The following DICER1 variants were observed in gnomAD, a reference collection of about 807,000 sequenced individuals.
The protein encoded by DICER1 is endoribonuclease Dicer.
In DICER1, 43 loss-of-function variants were observed where a neutral mutation model predicts 194.1. The ratio of observed to expected loss-of-function variants is 0.22; its 90% CI spans 0.17 to 0.29. The LOEUF (loss-of-function observed/expected upper bound fraction) is 0.29, where lower values mean the gene tolerates loss of function less well. Among genes scored for constraint, DICER1 ranks in the 10% least tolerant of loss-of-function variants. The probability of loss-of-function intolerance (pLI) is 1.00; values close to 1 mark genes in which losing one functional copy is unlikely to be tolerated. For missense variants in DICER1, 1,608 were observed against 2,317.0 expected (o/e 0.69, Z 6.28); for synonymous variants, 832 against 820.5 (o/e 1.01, Z -0.24).
chr14:95,094,259 C>T (rs915193294), intron 23 of DICER1, 103 bp from the exon 24 acceptor site: 46 of 1,386,492 alleles, frequency 3.3e-5, no homozygotes, highest in Non-Finnish European at 4.2e-5. Flanking sequence ...TATTTACAAT[C>T]ATTTTCATAC....
At chr14:95,128,323 A>G (rs978432775) in intron 6 of DICER1, among the ~76,000 whole-genome samples, 2 of 152,224 alleles carry the variant, frequency 1.3e-5, no homozygotes, top group African/African-American at 2.4e-5. Context: ...TAAACGCTCT[A>G]CTACTTCTAC....
At chr14:95,136,094 C>T (rs1164568996) in intron 1 of DICER1, among the ~76,000 whole-genome samples, 59 of 138,818 alleles carry the variant, frequency 4.3e-4, no homozygotes, top group African/African-American at 1.5e-3. Flanking sequence ...GATACACACA[C>T]ACACACACAC....
intron 8 of DICER1, among the ~76,000 whole-genome samples, chr14:95,121,376 A>G (rs1892925945): frequency 6.6e-6 from 1 of 152,248 alleles, no homozygotes; most frequent in Non-Finnish European, 1.5e-5. Flanking sequence ...CAAAATCCAA[A>G]TAAAGTCTGG....
intron 6 of DICER1, chr14:95,129,052 A>C (rs1362431837): frequency 6.3e-6 from 1 of 158,082 alleles, no homozygotes; most frequent in Non-Finnish European, 1.4e-5. Context: ...CATTTTCAAA[A>C]CAAAGGGGTA....
Position 95,124,737 on chromosome 14 carries a change from A to C in DICER1, c.904-69T>G. On this transcript the variant is annotated intron_variant, in intron 7 of 26. Coordinates refer to ENST00000343455, the MANE Select transcript of DICER1 (RefSeq NM_177438.3). This position sits in a 1 kb window ranked among gnomAD's most constrained non-coding sequence, Gnocchi z 4.5. ...AATGTAGCATTTTCATGTGGGGTTT[A>C]ACTGGGATTTCAGTTGTTCTCAAAT... 7.6e-7 allele frequency: 1 copy of C among 1,320,860 alleles called. No individual in the cohort carries two copies. Among genetic ancestry groups the C allele is most frequent in the South Asian group, 1.2e-5 (1 of 83,332 alleles). 81.8% of individuals were successfully genotyped at this position (1,320,860 alleles called of 1,614,324 possible).
chr14:95,098,900 C>T lies in DICER1; in HGVS notation c.4206+880G>A, dbSNP rs1204949246. Among the ~76,000 whole-genome samples the T allele has an allele frequency of 3.9e-5, 6 of 152,128 alleles. No homozygotes were observed. In the East Asian group the frequency reaches 1.2e-3, roughly 29 times the overall value. ...CAAATAGTGTCACTGAACATGCTAC[C>T]TGGAAATACTTAAAGGCAGATATAT... On this transcript the variant is annotated intron_variant, in intron 22 of 26. Transcript: ENST00000343455.
In DICER1 at chr14:95,105,040, G is replaced by A; in HGVS notation, c.3269+31C>T. ...TTTTGCAAACAGGATCTCATGATCTGTGTTCTTTCTGGCTGACTGCACAGG... is the reference window on the plus strand; with the variant it reads ...TTTTGCAAACAGGATCTCATGATCTATGTTCTTTCTGGCTGACTGCACAGG... On this transcript the variant is annotated intron_variant, in intron 20 of 26. Transcript: ENST00000343455. This position sits in a 1 kb window ranked among gnomAD's most constrained non-coding sequence, Gnocchi z 4.9. 6.2e-7 allele frequency: 1 copy of A among 1,604,984 alleles called. No individual in the cohort carries two copies. The highest frequency in any genetic ancestry group is 8.5e-7 in the Non-Finnish European group (1 of 1,172,704).
chr14:95,129,036 A>G (rs2140255103), intron 6 of DICER1: 1 of 157,390 alleles, frequency 6.4e-6, no homozygotes, highest in African/African-American at 2.4e-5. Flanking sequence ...TCTGAAATCC[A>G]CAACCCATTT....
At chr14:95,145,089 AG>A (rs1289645610) in intron 1 of DICER1, among the ~76,000 whole-genome samples, 1 of 152,180 alleles carries the variant, frequency 6.6e-6, no homozygotes, top group African/African-American at 2.4e-5. Flanking sequence ...ATGGTATATG[AG>A]CCTCTAAATC....
intron 11 of DICER1, among the ~76,000 whole-genome samples, chr14:95,113,935 G>C (rs1489431906): frequency 6.6e-6 from 1 of 152,192 alleles, no homozygotes; most frequent in Non-Finnish European, 1.5e-5. Flanking sequence ...TAATTATTTT[G>C]AGGACAATGG....
At chr14:95,144,085 T>C (rs1485108089) in intron 1 of DICER1, among the ~76,000 whole-genome samples, 2 of 152,198 alleles carry the variant, frequency 1.3e-5, no homozygotes, top group African/African-American at 2.4e-5. Flanking sequence ...CAGATGTTTT[T>C]AGCTAACTTA....
At position 95,105,439 on chromosome 14, in the gene DICER1, T is replaced by C. The variant is rs1466345582; in HGVS notation, c.3094-193A>G. On this transcript the variant is annotated intron_variant, in intron 19 of 26. Coordinates refer to ENST00000343455, the MANE Select transcript of DICER1 (RefSeq NM_177438.3). This position sits in a 1 kb window ranked among gnomAD's most constrained non-coding sequence, Gnocchi z 4.9. ...AGGATTTATGAGAATGATTTTGTGA[T>C]ATATTAATGGGCCAAGTATAAAAAC... 1.3e-5 allele frequency among the ~76,000 whole-genome samples: 2 copies of C among 152,238 alleles called. No homozygotes were observed. The highest frequency in any genetic ancestry group is 1.3e-4 in the Admixed American group (2 of 15,284).
chr14:95,112,111 C>T, intron 13 of DICER1, 61 bp downstream of exon 13: 2 of 1,430,424 alleles, frequency 1.4e-6, no homozygotes, highest in Non-Finnish European at 2.0e-6. Context: ...CCTCTATATG[C>T]TTTTTTTTTA....
rs928146115 is a variant in DICER1 at position 95,132,502 on chromosome 14, A to G, written c.307+13T>C. On this transcript the variant is annotated intron_variant, in intron 3 of 26. Coordinates refer to ENST00000343455, the MANE Select transcript of DICER1 (RefSeq NM_177438.3). Reference sequence around the variant, plus strand: ...TTTCCCCTGCACAACTTGATAAAATAATTTTTTATTACCAGAGTTGACCAA... The same window carrying G: ...TTTCCCCTGCACAACTTGATAAAATGATTTTTTATTACCAGAGTTGACCAA... 2.5e-6 allele frequency: 4 copies of G among 1,613,566 alleles called. No homozygotes were observed. The highest frequency in any genetic ancestry group is 4.5e-5 in the East Asian group (2 of 44,836).
At chr14:95,142,638 T>C (rs982230609) in intron 1 of DICER1, among the ~76,000 whole-genome samples, 8 of 152,242 alleles carry the variant, frequency 5.3e-5, no homozygotes, top group South Asian at 2.1e-4. Flanking sequence ...TCAAGTATAA[T>C]AGCAACTTAT....
At position 95,088,529 on chromosome 14, in the gene DICER1, T is replaced by C. The variant is rs1302953991; in HGVS notation, c.*1969A>G. 4.3e-6 allele frequency: 1 copy of C among 232,170 alleles called. No individual in the cohort carries two copies. The highest frequency in any genetic ancestry group is 2.2e-5 in the African/African-American group (1 of 45,288). 14.4% of individuals were successfully genotyped at this position (232,170 alleles called of 1,614,324 possible). On this transcript the variant is annotated 3_prime_UTR_variant, in exon 27 of 27. Transcript: ENST00000343455. ...CTTTTACAGTTATATAATTCAAGAATTGCTTTGTTTTAACTGGTCATATCT... is the reference window on the plus strand; with the variant it reads ...CTTTTACAGTTATATAATTCAAGAACTGCTTTGTTTTAACTGGTCATATCT...
rs777402206 is a variant in DICER1 at position 95,107,974 on chromosome 14, A to G, written c.2556T>C (p.Tyr852=). 3.7e-6 allele frequency: 6 copies of G among 1,613,700 alleles called. No homozygotes were observed. The South Asian group carries it at 4.4e-5, about 12-fold the overall frequency. Residue 852 remains tyrosine (Y), a synonymous_variant, in exon 16 of 27, where the codon TAT becomes TAC. Coordinates refer to ENST00000343455, the MANE Select transcript of DICER1 (RefSeq NM_177438.3). Reference sequence around the variant, plus strand: ...CAAGCCGAAGAATATGTGAGAATATATACTGGTGAAGTCTTGTAATCAACT... The same window carrying G: ...CAAGCCGAAGAATATGTGAGAATATGTACTGGTGAAGTCTTGTAATCAACT... ...MLELITRLHQ[Y]IFSHILRLEK...
Position 95,090,479 on chromosome 14 carries a change from T to C in DICER1, c.*19A>G. The C allele has an allele frequency of 6.2e-7, 1 of 1,613,008 alleles. No individual in the cohort carries two copies. The highest frequency in any genetic ancestry group is 8.5e-7 in the Non-Finnish European group (1 of 1,179,884). On this transcript the variant is annotated 3_prime_UTR_variant, in exon 27 of 27. Coordinates refer to ENST00000343455, the MANE Select transcript of DICER1 (RefSeq NM_177438.3). The stretch of plus-strand genomic sequence containing the variant: ...ATTTTTTTTGTTTTGTTTCTTGTTT[T>C]GAATTTTAAAAAGCGGTTTCAGCTA...
intron 10 of DICER1, 45 bp downstream of exon 10, chr14:95,116,407 AT>A (rs752926785): frequency 5.6e-6 from 9 of 1,596,688 alleles, no homozygotes; most frequent in South Asian, 3.3e-5. Flanking sequence ...AGCCACATTA[AT>A]TTTTTTTCCC....
Sources: gnomAD v4.1 joint callset for allele counts (sites outside exome capture counted in the v4.1 genomes callset) on GRCh38, gnomAD v4.1.1 for gene constraint, Gnocchi (gnomAD v3.1) non-coding constraint, MANE v1.5 for transcripts, NCBI Gene and HGNC (gene_info 2026-07-23, HGNC 2026-07-21) for gene names.